KCNQ2: variants seen among roughly 807,000 people sequenced by gnomAD.
KCNQ2 encodes the protein potassium voltage-gated channel subfamily KQT member 2.
KCNQ2 carries 14 observed loss-of-function variants against 84.8 expected under a neutral mutation model. The ratio of observed to expected loss-of-function variants is 0.17; its 90% CI spans 0.11 to 0.26. The LOEUF (loss-of-function observed/expected upper bound fraction) is 0.26, where lower values mean the gene tolerates loss of function less well. Among genes scored for constraint, KCNQ2 ranks in the 10% least tolerant of loss-of-function variants. The pLI is 1.00. For missense variants in KCNQ2, 788 were observed against 1,254.0 expected (o/e 0.63, Z 5.61); for synonymous variants, 599 against 554.1 (o/e 1.08, Z -1.14).
chr20:63,427,117 G>A (rs1206785447), intron 10 of KCNQ2, among the ~76,000 whole-genome samples: 1 of 152,218 alleles, frequency 6.6e-6, no homozygotes, highest in East Asian at 1.9e-4. Flanking sequence ...AGCTACTCAG[G>A]AGGCTGAGGC....
chr20:63,433,902 G>C lies in KCNQ2; in HGVS notation c.1025C>G (p.Ser342Trp). 6.2e-7 allele frequency: 1 copy of C among 1,613,214 alleles called. No homozygotes were observed. The highest frequency in any genetic ancestry group is 1.3e-5 in the African/African-American group (1 of 75,036). ...GTTGGTGGCGTAGAATCTCCAGGCC[G>C]ACTGCGGAGGGAAAGACAAGGCAGT... Reference protein sequence around the residue: ...RRNPAAGLIQSAWRFYATNLS... With the variant: ...RRNPAAGLIQWAWRFYATNLS... The change falls in exon 8 of 17, where the codon TCG (serine) becomes TGG (tryptophan). Residue 342 changes from serine (S) to tryptophan (W), a missense_variant and splice_region_variant. Transcript: ENST00000359125.
Position 63,401,114 on chromosome 20 carries a change from C to G in KCNQ2, c.*5530G>C, listed in dbSNP as rs1285799534. On this transcript the variant is annotated 3_prime_UTR_variant, in exon 17 of 17. Coordinates refer to ENST00000359125, the MANE Select transcript of KCNQ2 (RefSeq NM_172107.4). ...GGGGCCCCTGGCCAGAGCCAGTCTC[C>G]TCGGCCAGCCAGGGGCACCACGGCA... 1 of 375,122 alleles carries G rather than the reference C, an allele frequency of 2.7e-6. No homozygotes were observed. Among genetic ancestry groups the G allele is most frequent in the Non-Finnish European group, 4.7e-6 (1 of 211,454 alleles). 23.2% of individuals were successfully genotyped at this position (375,122 alleles called of 1,614,324 possible).
intron 1 of KCNQ2, chr20:63,448,219 G>A (rs764836155): frequency 5.9e-5 from 9 of 152,272 alleles, no homozygotes; most frequent in Admixed American, 1.3e-4. Context: ...CAAATGCTTT[G>A]TCTCATTTAC....
At position 63,428,522 on chromosome 20, in the gene KCNQ2, G is replaced by A. The variant is rs910247921; in HGVS notation, c.1149-87C>T. ...CTCTGCTTGCACAGCTCCATGGGCA[G>A]GCGCCTGCAGTGTCAGACACCCGGC... On this transcript the variant is annotated intron_variant, in intron 9 of 16. Coordinates refer to ENST00000359125, the MANE Select transcript of KCNQ2 (RefSeq NM_172107.4). The A allele has an allele frequency of 9.5e-6, 11 of 1,156,528 alleles. No individual in the cohort carries two copies. In the Admixed American group the frequency reaches 2.2e-4, roughly 23 times the overall value. The allele number at this position is 1,156,528 out of a possible 1,614,324, so 71.6% of individuals were successfully genotyped here.
At chr20:63,445,688 GTTCTATC>G in intron 2 of KCNQ2, 4 of 425,416 alleles carry the variant, frequency 9.4e-6, no homozygotes, top group South Asian at 2.3e-5. Context: ...GAGCTAGGGG[GTTCTATC>G]TGGGCTAGGG....
At chr20:63,442,884 C>CCACCAT (rs2081243947) in intron 4 of KCNQ2, among the ~76,000 whole-genome samples, 2 of 6,034 alleles carry the variant, frequency 3.3e-4, no homozygotes, top group Admixed American at 1.4e-3. Flanking sequence ...ATTATCACCA[C>CCACCAT]CACCATCACC....
At chr20:63,442,726 CATCACCACCTCCACCATCACCACCAT>C (rs1568934054) in intron 4 of KCNQ2, among the ~76,000 whole-genome samples, 195 bp from the exon 5 acceptor site, 2 of 43,034 alleles carry the variant, frequency 4.6e-5, no homozygotes, top group Admixed American at 2.3e-4. Context: ...CCACCACCAT[CATCACCACCTCCACCATCACCACCAT>C]CACCATCACC....
chr20:63,451,477 T>C (rs1181797646), intron 1 of KCNQ2, among the ~76,000 whole-genome samples: 1 of 152,148 alleles, frequency 6.6e-6, no homozygotes, highest in Non-Finnish European at 1.5e-5. Flanking sequence ...ACCTGCCTGC[T>C]TGGGGACTCC....
chr20:63,419,388 G>T (rs545005559), intron 12 of KCNQ2, among the ~76,000 whole-genome samples: 4 of 152,226 alleles, frequency 2.6e-5, no homozygotes, highest in African/African-American at 9.6e-5. Context: ...CTGGCTGTGC[G>T]CAGGACATCG....
At chr20:63,429,385 A>G (rs1193603914) in intron 9 of KCNQ2, among the ~76,000 whole-genome samples, 2 of 150,060 alleles carry the variant, frequency 1.3e-5, no homozygotes, top group African/African-American at 4.9e-5. Flanking sequence ...CCTGTGGAGC[A>G]CTCCCCACTG....
chr20:63,440,157 C>A (rs1257237399), intron 5 of KCNQ2, among the ~76,000 whole-genome samples: 1 of 152,132 alleles, frequency 6.6e-6, no homozygotes, highest in African/African-American at 2.4e-5. Context: ...GAGGAGGCCA[C>A]CACAAGAGGC....
intron 1 of KCNQ2, among the ~76,000 whole-genome samples, chr20:63,466,076 T>A (rs1384258158): frequency 3.3e-5 from 5 of 152,126 alleles, no homozygotes; most frequent in Non-Finnish European, 5.9e-5. Flanking sequence ...CCGAAGATCA[T>A]TCCTGTCCTC....
At chr20:63,447,595 G>GTTTGTTTTGTTTTGTTTTGTTTTGT (rs56055261) in intron 1 of KCNQ2, 3 of 151,618 alleles carry the variant, frequency 2.0e-5, no homozygotes, top group Admixed American at 1.3e-4. Flanking sequence ...TTTTGTTTTT[G>GTTTGTTTTGTTTTGTTTTGTTTTGT]TTTGTTTTGT....
chr20:63,408,547 C>T lies in KCNQ2; in HGVS notation c.1764-11G>A. The T allele has an allele frequency of 2.5e-6, 4 of 1,610,546 alleles. No individual in the cohort carries two copies. On this transcript the variant is annotated splice_polypyrimidine_tract_variant and intron_variant, in intron 15 of 16. Coordinates refer to ENST00000359125, the MANE Select transcript of KCNQ2 (RefSeq NM_172107.4). This position sits in a 1 kb window ranked among gnomAD's most constrained non-coding sequence, Gnocchi z 5.0. ...ACGATCTGGTCCACTCTACCGGGAACAGAGACCCCAAAGCATGAGTTCGGG... is the reference window on the plus strand; with the variant it reads ...ACGATCTGGTCCACTCTACCGGGAATAGAGACCCCAAAGCATGAGTTCGGG...
At position 63,411,771 on chromosome 20, in the gene KCNQ2, T is replaced by C. The variant is rs776013413; in HGVS notation, c.1763+1679A>G. 17 of 603,560 alleles carry C rather than the reference T, an allele frequency of 2.8e-5. No homozygotes were observed. The highest frequency in any genetic ancestry group is 1.3e-4 in the Admixed American group (4 of 31,680). 37.4% of individuals were successfully genotyped at this position (603,560 alleles called of 1,614,324 possible). ...ACACGTCGGAGAGGCGCTGGCATCCTAACCTAGGTGAGTACTGGGGTGACT... is the reference window on the plus strand; with the variant it reads ...ACACGTCGGAGAGGCGCTGGCATCCCAACCTAGGTGAGTACTGGGGTGACT... On this transcript the variant is annotated intron_variant, in intron 15 of 16. Coordinates refer to ENST00000359125, the MANE Select transcript of KCNQ2 (RefSeq NM_172107.4).
rs2081070052 is a variant in KCNQ2 at position 63,438,581 on chromosome 20, C to A, written c.1023+44G>T. On this transcript the variant is annotated intron_variant, in intron 7 of 16. Transcript: ENST00000359125. The surrounding 1 kb of genome is among the most constrained non-coding windows in gnomAD (Gnocchi z 5.1). Reference sequence around the variant, plus strand: ...CCTCCACTCCTCAACAAGGTGGGACCAGGACAAGGGCTGTGCTGGTCCCCG... The same window carrying A: ...CCTCCACTCCTCAACAAGGTGGGACAAGGACAAGGGCTGTGCTGGTCCCCG... The A allele has an allele frequency of 6.4e-7, 1 of 1,552,028 alleles. No individual in the cohort carries two copies. The highest frequency in any genetic ancestry group is 2.2e-5 in the East Asian group (1 of 44,608).
At chr20:63,413,909 A>C (rs1247582997) in intron 14 of KCNQ2, among the ~76,000 whole-genome samples, 179 bp downstream of exon 14, 1 of 152,144 alleles carries the variant, frequency 6.6e-6, no homozygotes, top group Non-Finnish European at 1.5e-5. Context: ...CCTGAGTCCC[A>C]GAGGAGTGCA....
At chr20:63,463,608 TC>T (rs1182896806) in intron 1 of KCNQ2, 3 of 152,114 alleles carry the variant, frequency 2.0e-5, no homozygotes, top group Non-Finnish European at 4.4e-5. Context: ...CAACCTCTCA[TC>T]CCTGCCCGAG....
Position 63,415,326 on chromosome 20 carries a change from G to A in KCNQ2, c.1302-200C>T, listed in dbSNP as rs558462698. ...ACCCGGCGGGAGGGAGGGAGGGGAG[G>A]CCACGGGGACCGAGCACCCGGTGGG... On this transcript the variant is annotated intron_variant, in intron 12 of 16. Transcript: ENST00000359125. 2.2e-3 allele frequency among the ~76,000 whole-genome samples: 314 copies of A among 145,634 alleles called. 2 individuals carry two copies. Among genetic ancestry groups the A allele is most frequent in the Middle Eastern group, 0.01 (3 of 286 alleles).
Sources: allele counts gnomAD v4.1 joint callset (sites outside exome capture counted in the v4.1 genomes callset), GRCh38; gene constraint gnomAD v4.1.1; non-coding constraint Gnocchi (gnomAD v3.1); transcripts MANE v1.5; gene names NCBI Gene and HGNC (gene_info 2026-07-23, HGNC 2026-07-21).